Variants in MYRIP observed in about 807,000 individuals in gnomAD.
MYRIP encodes the protein rab effector MyRIP.
In MYRIP, 49 loss-of-function variants were observed where a neutral mutation model predicts 98.0. The observed-to-expected ratio is 0.50, with a 90% CI of 0.40 to 0.63. The LOEUF is 0.63. MYRIP is among the 30% of genes least tolerant of loss of function. The pLI, the probability that MYRIP is intolerant of heterozygous loss-of-function variation, is 0.00. For missense variants in MYRIP, 1,004 were observed against 1,058.2 expected, an observed-to-expected ratio of 0.95 and a Z score of 0.71; for synonymous variants, 404 against 409.5, an observed-to-expected ratio of 0.99 and a Z score of 0.16.
At chr3:39,884,409 A>T (rs1943235306) in intron 1 of MYRIP, among the ~76,000 whole-genome samples, 1 of 152,032 alleles carries the variant, frequency 6.6e-6, no homozygotes, top group Admixed American at 6.6e-5. Context: ...ATTATTTTGG[A>T]TATTCTATGA....
intron 2 of MYRIP, among the ~76,000 whole-genome samples, chr3:39,942,176 G>A (rs68087403): frequency 0.072 from 11,029 of 152,152 alleles, 443 homozygotes; most frequent in Middle Eastern, 0.092. Context: ...CTCTCCGTGC[G>A]TTCAGAGTTG....
chr3:39,894,415 A>G (rs562522268), intron 1 of MYRIP, among the ~76,000 whole-genome samples: 39 of 152,306 alleles, frequency 2.6e-4, no homozygotes, highest in African/African-American at 8.9e-4. Context: ...GCTCAATACA[A>G]TATACCTATA....
At chr3:40,153,751 G>C (rs1289380029) in intron 4 of MYRIP, among the ~76,000 whole-genome samples, 1 of 152,180 alleles carries the variant, frequency 6.6e-6, no homozygotes, top group East Asian at 1.9e-4. Flanking sequence ...AATCTGCAGT[G>C]CACAAGGCAT....
intron 1 of MYRIP, among the ~76,000 whole-genome samples, chr3:39,830,260 G>A (rs1242817050): frequency 6.6e-6 from 1 of 152,118 alleles, no homozygotes; most frequent in Non-Finnish European, 1.5e-5. Context: ...CATAGCACTG[G>A]TCAAATCCTG....
chr3:39,958,346 A>G (rs1235889834), intron 2 of MYRIP, among the ~76,000 whole-genome samples: 1 of 152,174 alleles, frequency 6.6e-6, no homozygotes, highest in African/African-American at 2.4e-5. Context: ...GACTGATGGA[A>G]CAGAACAGAG....
chr3:40,062,804 A>G (rs1209316995), intron 3 of MYRIP, among the ~76,000 whole-genome samples: 1 of 152,166 alleles, frequency 6.6e-6, no homozygotes, highest in Non-Finnish European at 1.5e-5. Context: ...CACTTCACTG[A>G]GTTATTTGTG....
intron 4 of MYRIP, among the ~76,000 whole-genome samples, chr3:40,155,569 T>C (rs1559424581): frequency 1.3e-5 from 2 of 151,898 alleles, no homozygotes; most frequent in Admixed American, 6.6e-5. Context: ...ATTGCCACAC[T>C]GACTTCCACA....
intron 2 of MYRIP, among the ~76,000 whole-genome samples, chr3:39,967,107 T>C (rs1464932258): frequency 6.6e-6 from 1 of 152,234 alleles, no homozygotes; most frequent in African/African-American, 2.4e-5. Flanking sequence ...TGTAAATTAC[T>C]CTTTTTTTAA....
intron 3 of MYRIP, among the ~76,000 whole-genome samples, chr3:40,132,107 T>C (rs564170554): frequency 6.6e-6 from 1 of 152,276 alleles, no homozygotes; most frequent in Admixed American, 6.5e-5. Context: ...TCAGTTTTCT[T>C]CTGAATGCCT....
intron 2 of MYRIP, among the ~76,000 whole-genome samples, chr3:40,035,883 A>T (rs542327591): frequency 6.6e-6 from 1 of 152,168 alleles, no homozygotes; most frequent in East Asian, 1.9e-4. Context: ...ATACAATTTC[A>T]AAAGGATTAA....
chr3:39,878,077 C>T (rs1451229525), intron 1 of MYRIP, among the ~76,000 whole-genome samples: 1 of 152,228 alleles, frequency 6.6e-6, no homozygotes, highest in Non-Finnish European at 1.5e-5. Flanking sequence ...GCCTCGCTGC[C>T]ACCTTGCAGT....
chr3:40,226,708 G>A (rs138782922), intron 11 of MYRIP, among the ~76,000 whole-genome samples: 25 of 152,306 alleles, frequency 1.6e-4, no homozygotes, highest in South Asian at 4.1e-4. Context: ...CAGTATCTGC[G>A]TCCTAGGGTG....
In MYRIP at chr3:40,160,572, G is replaced by T. The variant is rs2371142; in HGVS notation, c.470-2158G>T. On this transcript the variant is annotated intron_variant, in intron 4 of 16. Coordinates refer to ENST00000302541, the MANE Select transcript of MYRIP (RefSeq NM_015460.4). ...GTTTACCTAAGTAAGCCTGGGCAATGGCGGGCGCCCCTCCCCCAGCCTCGC... is the reference window on the plus strand; with the variant it reads ...GTTTACCTAAGTAAGCCTGGGCAATTGCGGGCGCCCCTCCCCCAGCCTCGC... Among the ~76,000 whole-genome samples the T allele has an allele frequency of 2.0e-5, 3 of 152,042 alleles. No homozygotes were observed. In the South Asian group the frequency reaches 6.2e-4, roughly 31 times the overall value.
In MYRIP at chr3:40,143,082, T is replaced by C. The variant is rs181622280; in HGVS notation, c.333-7966T>C. Among the ~76,000 whole-genome samples, 312 of 152,318 alleles carry C rather than the reference T, an allele frequency of 2.0e-3. 4 individuals carry two copies. In the South Asian group the frequency reaches 0.027, roughly 13 times the overall value. On this transcript the variant is annotated intron_variant, in intron 3 of 16. Coordinates refer to ENST00000302541, the MANE Select transcript of MYRIP (RefSeq NM_015460.4). Reference sequence around the variant, plus strand: ...GCTCTCCATTCCATCTCCTGACTCATCTAGCACTCTTTGAACAGATTAGTC... The same window carrying C: ...GCTCTCCATTCCATCTCCTGACTCACCTAGCACTCTTTGAACAGATTAGTC...
At chr3:40,038,120 C>T (rs1947424190) in intron 2 of MYRIP, among the ~76,000 whole-genome samples, 2 of 39,842 alleles carry the variant, frequency 5.0e-5, no homozygotes, top group African/African-American at 9.7e-5. Flanking sequence ...ACGCTCTGAT[C>T]AAAATGTTAA....
At chr3:40,114,529 A>G (rs938973862) in intron 3 of MYRIP, among the ~76,000 whole-genome samples, 8 of 152,260 alleles carry the variant, frequency 5.3e-5, no homozygotes, top group African/African-American at 1.9e-4. Flanking sequence ...TCTTACAAAT[A>G]TGGGCTAGCA....
intron 2 of MYRIP, among the ~76,000 whole-genome samples, chr3:40,027,020 C>T (rs181177344): frequency 1.3e-5 from 2 of 152,252 alleles, no homozygotes; most frequent in Non-Finnish European, 2.9e-5. Context: ...GACTTCCAAG[C>T]TCACTTAGCT....
At chr3:40,173,634 A>G (rs1199895547) in intron 8 of MYRIP, 1 of 152,254 alleles carries the variant, frequency 6.6e-6, no homozygotes, top group East Asian at 1.9e-4. Flanking sequence ...ATAAACAACC[A>G]TGACCCTTCC....
At chr3:40,215,303 C>T (rs1392432126) in intron 11 of MYRIP, among the ~76,000 whole-genome samples, 1 of 152,030 alleles carries the variant, frequency 6.6e-6, no homozygotes, top group Non-Finnish European at 1.5e-5. Flanking sequence ...AAGAGTGAAA[C>T]TACATTTAGA....
Sources: gnomAD v4.1 joint callset for allele counts (sites outside exome capture counted in the v4.1 genomes callset) on GRCh38, gnomAD v4.1.1 for gene constraint, MANE v1.5 for transcripts, NCBI Gene and HGNC (gene_info 2026-07-23, HGNC 2026-07-21) for gene names.